Variants in ANO2 observed in about 807,000 individuals in gnomAD.
The protein encoded by ANO2 is anoctamin 2.
ANO2 carries 101 observed loss-of-function variants against 124.2 expected under a neutral mutation model. That is an observed-to-expected ratio of 0.81 (90% CI 0.69 to 0.96). ANO2 has a LOEUF of 0.96. ANO2 is among the 40% of genes least tolerant of loss of function. The pLI is 0.00. For missense variants in ANO2, 1,293 were observed against 1,274.5 expected (o/e 1.01, Z -0.22); for synonymous variants, 486 against 482.5 (o/e 1.01, Z -0.09).
intron 14 of ANO2, 72 bp downstream of exon 14, chr12:5,732,448 G>T: frequency 2.3e-6 from 3 of 1,319,040 alleles, no homozygotes; most frequent in South Asian, 1.4e-5. Flanking sequence ...CTTCACTAAG[G>T]CGTGCCAAAC....
intron 20 of ANO2, among the ~76,000 whole-genome samples, chr12:5,586,525 G>A (rs992122956): frequency 1.3e-5 from 2 of 152,184 alleles, no homozygotes; most frequent in African/African-American, 2.4e-5. Context: ...GGTTTCTCAG[G>A]TATTCTAGAA....
At position 5,925,142 on chromosome 12, in the gene ANO2, A is replaced by G. The variant is rs138003640; in HGVS notation, c.23-2338T>C. Reference sequence around the variant, plus strand: ...TAAAAAGCCCAAGACCACTGGATACATCACTGGGGAACATGATAAAGATGA... The same window carrying G: ...TAAAAAGCCCAAGACCACTGGATACGTCACTGGGGAACATGATAAAGATGA... On this transcript the variant is annotated intron_variant, in intron 1 of 24. Coordinates refer to ENST00000682330, the MANE Select transcript of ANO2 (RefSeq NM_001364791.2). This position sits in a 1 kb window ranked among gnomAD's most constrained non-coding sequence, Gnocchi z 4.6. Among the ~76,000 whole-genome samples, 22 of 152,256 alleles carry G rather than the reference A, an allele frequency of 1.4e-4. No homozygotes were observed. The highest frequency in any genetic ancestry group is 4.8e-4 in the African/African-American group (20 of 41,538).
intron 6 of ANO2, 131 bp from the exon 7 acceptor site, chr12:5,827,951 T>C: frequency 4.3e-6 from 4 of 932,214 alleles, no homozygotes; most frequent in Non-Finnish European, 6.4e-6. Flanking sequence ...AAGCCAAGCA[T>C]GTGCCTGGCT....
chr12:5,765,740 T>C (rs1363924333), intron 10 of ANO2, among the ~76,000 whole-genome samples: 1 of 152,262 alleles, frequency 6.6e-6, no homozygotes, highest in Non-Finnish European at 1.5e-5. Context: ...AATGGAACTT[T>C]TGTTTATCAA....
chr12:5,587,772 G>A (rs1304310311), intron 20 of ANO2, among the ~76,000 whole-genome samples: 2 of 152,074 alleles, frequency 1.3e-5, no homozygotes, highest in Admixed American at 1.3e-4. Flanking sequence ...CCCTTTGTCT[G>A]GAGCCAGCCC....
intron 3 of ANO2, among the ~76,000 whole-genome samples, chr12:5,909,627 T>G (rs1940920125): frequency 6.6e-6 from 1 of 152,200 alleles, no homozygotes; most frequent in Non-Finnish European, 1.5e-5. Flanking sequence ...GCTTCCAAAG[T>G]GCAGTTAGCT....
chr12:5,890,754 A>T (rs978551102), intron 3 of ANO2, among the ~76,000 whole-genome samples: 1 of 152,176 alleles, frequency 6.6e-6, no homozygotes, highest in African/African-American at 2.4e-5. Context: ...CTGATGGATA[A>T]ATATCTTGCA....
chr12:5,639,791 G>C (rs1330525439), intron 15 of ANO2, among the ~76,000 whole-genome samples: 1 of 152,132 alleles, frequency 6.6e-6, no homozygotes, highest in East Asian at 1.9e-4. Flanking sequence ...GGAGTGATGT[G>C]AGTTGGTTTA....
intron 14 of ANO2, among the ~76,000 whole-genome samples, chr12:5,713,237 T>C (rs1342011032): frequency 1.3e-5 from 2 of 152,164 alleles, no homozygotes; most frequent in Non-Finnish European, 1.5e-5. Flanking sequence ...GTGTGGCAAG[T>C]AAGAGGAAAG....
intron 19 of ANO2, among the ~76,000 whole-genome samples, chr12:5,604,283 G>A (rs1558777): frequency 0.67 from 101,669 of 151,484 alleles, 34,187 homozygotes; most frequent in East Asian, 0.8. Context: ...TGATGAGGAT[G>A]AGGAGGAGGA....
intron 14 of ANO2, among the ~76,000 whole-genome samples, chr12:5,664,359 G>GCATC (rs754391598): frequency 3.5e-4 from 53 of 151,166 alleles, no homozygotes; most frequent in Non-Finnish European, 6.2e-4. Context: ...ATCCATCCAG[G>GCATC]CATCCATCCA....
chr12:5,819,619 G>A (rs1400312325), intron 7 of ANO2, among the ~76,000 whole-genome samples: 4 of 152,192 alleles, frequency 2.6e-5, no homozygotes, highest in Admixed American at 2.6e-4. Context: ...AGATTGGGAT[G>A]GTGGAGTGGA....
At chr12:5,638,238 T>C (rs1194808836) in intron 15 of ANO2, among the ~76,000 whole-genome samples, 1 of 73,782 alleles carries the variant, frequency 1.4e-5, no homozygotes, top group Non-Finnish European at 3.2e-5. Context: ...TTTCTTTTCC[T>C]TTTTTTTTTT....
intron 13 of ANO2, among the ~76,000 whole-genome samples, chr12:5,738,047 C>G (rs1360462149): frequency 2.0e-5 from 3 of 152,044 alleles, no homozygotes; most frequent in Non-Finnish European, 4.4e-5. Context: ...AAGTGAGAAC[C>G]CATGGGAGGT....
intron 19 of ANO2, 90 bp from the exon 20 acceptor site, chr12:5,599,719 T>C: frequency 7.0e-7 from 1 of 1,420,866 alleles, no homozygotes; most frequent in Middle Eastern, 1.8e-4. Context: ...ACAAAAGTTT[T>C]GACACTAAAG....
chr12:5,876,143 T>A (rs1938083957), intron 3 of ANO2, among the ~76,000 whole-genome samples: 1 of 152,208 alleles, frequency 6.6e-6, no homozygotes, highest in African/African-American at 2.4e-5. Context: ...AAATACCCAT[T>A]GAAATTAAGT....
chr12:5,624,980 C>G (rs1398312603), intron 16 of ANO2, among the ~76,000 whole-genome samples: 1 of 151,992 alleles, frequency 6.6e-6, no homozygotes, highest in Non-Finnish European at 1.5e-5. Flanking sequence ...TGGAGAGCCC[C>G]AAGGCTGTGC....
chr12:5,616,328 T>C (rs988235363), intron 16 of ANO2, among the ~76,000 whole-genome samples: 2 of 152,202 alleles, frequency 1.3e-5, no homozygotes, highest in Admixed American at 6.5e-5. Flanking sequence ...TGTCCTCTCA[T>C]GGTCAAGGGG....
chr12:5,605,411 T>G (rs1236308015), intron 19 of ANO2, among the ~76,000 whole-genome samples: 4 of 152,228 alleles, frequency 2.6e-5, no homozygotes, highest in African/African-American at 9.6e-5. Context: ...GGGGTACATT[T>G]AACAGCTATT....
Sources: gnomAD v4.1 joint callset for allele counts (sites outside exome capture counted in the v4.1 genomes callset) on GRCh38, gnomAD v4.1.1 for gene constraint, Gnocchi (gnomAD v3.1) non-coding constraint, MANE v1.5 for transcripts, NCBI Gene and HGNC (gene_info 2026-07-23, HGNC 2026-07-21) for gene names.